Variants in FARS2 observed in about 807,000 individuals in gnomAD.
FARS2 encodes phenylalanyl-tRNA synthetase 2, mitochondrial.
FARS2 carries 40 observed loss-of-function variants against 46.4 expected under a neutral mutation model. The ratio of observed to expected loss-of-function variants is 0.86; its 90% confidence interval spans 0.67 to 1.12. The LOEUF is 1.12. Among genes scored for constraint, FARS2 ranks in the 50% most tolerant of loss-of-function variants. FARS2 has a pLI of 0.00. For synonymous variants in FARS2, 234 were observed against 214.9 expected, an observed-to-expected ratio of 1.09 and a Z score of -0.78; for missense variants, 513 against 567.9, an observed-to-expected ratio of 0.90 and a Z score of 0.98.
intron 4 of FARS2, among the ~76,000 whole-genome samples, chr6:5,441,466 G>A (rs962103948): frequency 1.6e-4 from 25 of 152,212 alleles, no homozygotes; most frequent in African/African-American, 5.8e-4. Context: ...TGTAAAACAA[G>A]TTGACTTTCA....
chr6:5,693,950 C>T (rs1757935030), intron 6 of FARS2, among the ~76,000 whole-genome samples: 1 of 152,218 alleles, frequency 6.6e-6, no homozygotes, highest in Non-Finnish European at 1.5e-5. Flanking sequence ...ATCATTTCCA[C>T]CGCCCTCTAC....
intron 6 of FARS2, among the ~76,000 whole-genome samples, chr6:5,644,662 T>G (rs1033500608): frequency 1.3e-5 from 2 of 152,240 alleles, no homozygotes. Context: ...GAAAACATTC[T>G]TGTTAGGTGA....
intron 1 of FARS2, among the ~76,000 whole-genome samples, chr6:5,291,943 T>G (rs1223803266): frequency 6.6e-6 from 1 of 152,158 alleles, no homozygotes; most frequent in Non-Finnish European, 1.5e-5. Context: ...AGTCAACAAT[T>G]ACAATAAAAA....
chr6:5,278,759 C>T lies in FARS2; in HGVS notation c.-22+17099C>T, dbSNP rs368199788. On this transcript the variant is annotated intron_variant, in intron 1 of 6. Coordinates refer to ENST00000274680, the MANE Select transcript of FARS2 (RefSeq NM_006567.5). ...AATTGGGTATGAGATGCAGCCTTCC[C>T]CCTCTCCACCCCGTGTGATACACTT... 4.6e-5 allele frequency among the ~76,000 whole-genome samples: 7 copies of T among 152,284 alleles called. No individual in the cohort carries two copies. In the South Asian group the frequency reaches 1.0e-3, roughly 23 times the overall value.
intron 5 of FARS2, among the ~76,000 whole-genome samples, chr6:5,585,821 T>A (rs1043343754): frequency 7.9e-5 from 12 of 152,182 alleles, no homozygotes; most frequent in African/African-American, 2.7e-4. Flanking sequence ...TCAATGATAC[T>A]TAGGCTGTTT....
upstream of FARS2, chr6:5,260,511 CGGAGCCCG>C: frequency 8.3e-7 from 1 of 1,201,974 alleles, no homozygotes; most frequent in Non-Finnish European, 1.1e-6. Flanking sequence ...TTTTCGATGG[CGGAGCCCG>C]GTCCTTGCCT....
At chr6:5,380,971 A>ATTATTTATTTATTTAT (rs370795967) in intron 2 of FARS2, among the ~76,000 whole-genome samples, 11 of 119,144 alleles carry the variant, frequency 9.2e-5, no homozygotes, top group African/African-American at 2.9e-4. Context: ...CATTATAGCA[A>ATTATTTATTTATTTAT]TTATTTATTT....
intron 2 of FARS2, among the ~76,000 whole-genome samples, chr6:5,393,174 G>A (rs892785649): frequency 6.6e-6 from 1 of 151,862 alleles, no homozygotes; most frequent in African/African-American, 2.4e-5. Context: ...AACTAGCTTG[G>A]TCGCAATAAA....
chr6:5,545,991 G>A (rs1021824321), intron 5 of FARS2, among the ~76,000 whole-genome samples: 5 of 151,994 alleles, frequency 3.3e-5, no homozygotes, highest in Non-Finnish European at 7.4e-5. Flanking sequence ...AGCTGGGCAT[G>A]GTGGCACGCA....
intron 6 of FARS2, among the ~76,000 whole-genome samples, chr6:5,627,522 T>C (rs966893464): frequency 6.6e-6 from 1 of 152,250 alleles, no homozygotes; most frequent in Non-Finnish European, 1.5e-5. Flanking sequence ...TGTCCGGCAA[T>C]GCACATGGCA....
At chr6:5,261,486 G>A (rs1765119345), upstream of FARS2, 1 of 152,674 alleles carries the variant, frequency 6.5e-6, no homozygotes, top group South Asian at 2.0e-4. Context: ...CTCTGCTCAG[G>A]GCGACCTGCG....
At chr6:5,355,380 T>TG (rs1745740062) in intron 1 of FARS2, among the ~76,000 whole-genome samples, 1 of 150,052 alleles carries the variant, frequency 6.7e-6, no homozygotes, top group Admixed American at 6.6e-5. Flanking sequence ...TTTTGTTTTT[T>TG]TTTTTTTTTT....
chr6:5,404,756 G>A (rs1300584654), intron 3 of FARS2, 55 bp downstream of exon 3: 2 of 1,017,330 alleles, frequency 2.0e-6, no homozygotes, highest in Middle Eastern at 3.4e-4. Flanking sequence ...TGGGACAGAA[G>A]TGTTTTGGAT....
chr6:5,573,696 C>A (rs921195529), intron 5 of FARS2, among the ~76,000 whole-genome samples: 1 of 152,164 alleles, frequency 6.6e-6, no homozygotes, highest in Admixed American at 6.5e-5. Flanking sequence ...CCTCCGACAA[C>A]GTTTAAGTGC....
intron 4 of FARS2, chr6:5,431,769 G>T: frequency 8.1e-6 from 4 of 496,370 alleles, no homozygotes; most frequent in Non-Finnish European, 1.2e-5. Context: ...GCTCTTTTCT[G>T]TAAGACCATT....
chr6:5,572,401 C>T (rs1247238993), intron 5 of FARS2, among the ~76,000 whole-genome samples: 1 of 152,120 alleles, frequency 6.6e-6, no homozygotes. Flanking sequence ...AAGGATCCAC[C>T]CCCATGATCC....
At chr6:5,504,996 T>C (rs959040220) in intron 4 of FARS2, among the ~76,000 whole-genome samples, 1 of 152,130 alleles carries the variant, frequency 6.6e-6, no homozygotes, top group Admixed American at 6.5e-5. Context: ...AGATTTTAGT[T>C]TTGAAAATAG....
intron 4 of FARS2, among the ~76,000 whole-genome samples, chr6:5,466,349 C>T (rs1765513217): frequency 6.6e-6 from 1 of 152,176 alleles, no homozygotes; most frequent in Non-Finnish European, 1.5e-5. Context: ...GTGTACCTCT[C>T]TCCGGTGCCA....
At chr6:5,710,501 C>T (rs763965347) in intron 6 of FARS2, among the ~76,000 whole-genome samples, 27 of 152,212 alleles carry the variant, frequency 1.8e-4, no homozygotes, top group African/African-American at 2.4e-4. Flanking sequence ...TAGTCCAGGA[C>T]GGTGGTCGCT....
Sources: allele counts gnomAD v4.1 joint callset (sites outside exome capture counted in the v4.1 genomes callset), GRCh38; gene constraint gnomAD v4.1.1; transcripts MANE v1.5; gene names NCBI Gene and HGNC (gene_info 2026-07-23, HGNC 2026-07-21).